Variants in RSRC1 observed in about 807,000 individuals in gnomAD.
RSRC1 encodes arginine and serine rich coiled-coil 1, also known as serine/Arginine-related protein 53.
Under a neutral mutation model 49.1 loss-of-function variants are expected in RSRC1, and 39 were observed. The observed-to-expected ratio is 0.79, with a 90% CI of 0.61 to 1.04. The LOEUF (loss-of-function observed/expected upper bound fraction) is 1.04. Ranked by LOEUF, RSRC1 falls within the 50% of genes least tolerant of loss-of-function variation. The pLI, the probability that RSRC1 is intolerant of heterozygous loss-of-function variation, is 0.00. For missense variants in RSRC1, 388 were observed against 402.4 expected, an observed-to-expected ratio of 0.96 and a Z score of 0.31; for synonymous variants, 143 against 130.8, an observed-to-expected ratio of 1.09 and a Z score of -0.63.
intron 7 of RSRC1, among the ~76,000 whole-genome samples, chr3:158,486,786 TAAAG>T (rs1410607097): frequency 6.6e-6 from 1 of 152,172 alleles, no homozygotes; most frequent in African/African-American, 2.4e-5. Context: ...ATTTTATAAA[TAAAG>T]AAACTGGACA....
intron 7 of RSRC1, among the ~76,000 whole-genome samples, chr3:158,536,470 A>G (rs564485491): frequency 6.6e-6 from 1 of 151,536 alleles, no homozygotes; most frequent in East Asian, 1.9e-4. Flanking sequence ...AACCAACTAT[A>G]AAAAGACTTT....
chr3:158,494,691 G>GT (rs1220028920), intron 7 of RSRC1, among the ~76,000 whole-genome samples: 11 of 151,764 alleles, frequency 7.2e-5, no homozygotes, highest in African/African-American at 1.5e-4. Context: ...TCTATTTGCA[G>GT]TTTTTTTTAA....
chr3:158,384,774 T>C (rs1732879031), intron 6 of RSRC1, among the ~76,000 whole-genome samples: 2 of 152,112 alleles, frequency 1.3e-5, no homozygotes, highest in South Asian at 4.1e-4. Flanking sequence ...CTCTAATTAT[T>C]GTCCCTTCAG....
intron 3 of RSRC1, among the ~76,000 whole-genome samples, chr3:158,177,372 G>T (rs1215244118): frequency 1.3e-5 from 2 of 152,158 alleles, no homozygotes; most frequent in East Asian, 3.9e-4. Context: ...ATTCACAATA[G>T]CAAAGACTTG....
chr3:158,288,673 A>C (rs530242861), intron 4 of RSRC1, among the ~76,000 whole-genome samples: 4 of 152,278 alleles, frequency 2.6e-5, no homozygotes, highest in Non-Finnish European at 5.9e-5. Flanking sequence ...CCCTCATATA[A>C]AATGGCATAG....
At chr3:158,286,684 C>T (rs1726583166) in intron 4 of RSRC1, among the ~76,000 whole-genome samples, 1 of 152,124 alleles carries the variant, frequency 6.6e-6, no homozygotes, top group South Asian at 2.1e-4. Context: ...AAAATTACAC[C>T]TTAGTTTTCA....
rs556074315 is a variant in RSRC1 at position 158,284,424 on chromosome 3, G to A, written c.495-13615G>A. On this transcript the variant is annotated intron_variant, in intron 4 of 9. Coordinates refer to ENST00000611884, the MANE Select transcript of RSRC1 (RefSeq NM_001271838.2). ...TATATACCCAGTAATGGGATGGCTGGGTCAAATGGTATTTCTAGTTCTAGA... is the reference window on the plus strand; with the variant it reads ...TATATACCCAGTAATGGGATGGCTGAGTCAAATGGTATTTCTAGTTCTAGA... Among the ~76,000 whole-genome samples the A allele has an allele frequency of 1.2e-3, 169 of 146,374 alleles. 2 individuals are homozygous for A. The highest frequency in any genetic ancestry group is 4.2e-3 in the African/African-American group (165 of 38,984).
At chr3:158,529,618 A>G (rs1472114670) in intron 7 of RSRC1, among the ~76,000 whole-genome samples, 7 of 151,976 alleles carry the variant, frequency 4.6e-5, no homozygotes, top group African/African-American at 1.7e-4. Flanking sequence ...TTCTGCTACC[A>G]GAACAGCTCA....
intron 6 of RSRC1, among the ~76,000 whole-genome samples, chr3:158,379,814 G>GGACACA (rs1732600711): frequency 1.4e-5 from 2 of 146,928 alleles, no homozygotes; most frequent in Admixed American, 1.4e-4. Context: ...ACACGCGCAT[G>GGACACA]CACACACACA....
intron 4 of RSRC1, among the ~76,000 whole-genome samples, chr3:158,259,851 G>T (rs1724790070): frequency 6.6e-6 from 1 of 152,130 alleles, no homozygotes; most frequent in African/African-American, 2.4e-5. Flanking sequence ...TCTCCCTATG[G>T]CCTCACTGCC....
At position 158,483,966 on chromosome 3, in the gene RSRC1, T is replaced by TC. The variant is rs756009081; in HGVS notation, c.652+22965dup. 1.1e-3 allele frequency among the ~76,000 whole-genome samples: 164 copies of TC among 152,238 alleles called. 1 individual carries two copies. Among genetic ancestry groups the TC allele is most frequent in the Non-Finnish European group, 1.5e-3 (105 of 67,978 alleles). On this transcript the variant is annotated intron_variant, in intron 7 of 9. Transcript: ENST00000611884. ...TTTTCTAGCTTAGTGATCCTGAAACTCCATGTGTCTCACTGAAATCTGTGC... is the reference window on the plus strand; with the variant it reads ...TTTTCTAGCTTAGTGATCCTGAAACTCCCATGTGTCTCACTGAAATCTGTGC...
At position 158,544,295 on chromosome 3, in the gene RSRC1, A is replaced by G. The variant is rs1270214238; in HGVS notation, c.*20A>G. The stretch of plus-strand genomic sequence containing the variant: ...GCCTAAGTAATATACATATAGTTGG[A>G]TTGGATTGTCAGCAGTAACATTGGA... On this transcript the variant is annotated 3_prime_UTR_variant, in exon 10 of 10. Coordinates refer to ENST00000611884, the MANE Select transcript of RSRC1 (RefSeq NM_001271838.2). The G allele has an allele frequency of 6.8e-7, 1 of 1,466,618 alleles. No individual in the cohort carries two copies. The allele number at this position is 1,466,618 out of a possible 1,614,324, so 90.9% of individuals were successfully genotyped here. A position where few individuals can be genotyped will look rare whatever the true frequency, so the allele number is the denominator to read the frequency against.
intron 4 of RSRC1, among the ~76,000 whole-genome samples, chr3:158,272,558 T>A (rs1317762569): frequency 6.6e-6 from 1 of 152,104 alleles, no homozygotes; most frequent in Admixed American, 6.5e-5. Context: ...TTTAATCTTA[T>A]GTTTTTCAAA....
intron 3 of RSRC1, among the ~76,000 whole-genome samples, chr3:158,196,542 A>G (rs1193847916): frequency 6.6e-6 from 1 of 152,254 alleles, no homozygotes. Flanking sequence ...ACTATGTTGA[A>G]TAGGAGTGGT....
intron 4 of RSRC1, among the ~76,000 whole-genome samples, chr3:158,286,108 A>G (rs1161706011): frequency 6.6e-6 from 1 of 152,242 alleles, no homozygotes; most frequent in African/African-American, 2.4e-5. Flanking sequence ...TGCAAGTATA[A>G]ATGACCAGGT....
intron 4 of RSRC1, among the ~76,000 whole-genome samples, chr3:158,215,667 A>G (rs1478568216): frequency 6.6e-6 from 1 of 151,536 alleles, no homozygotes; most frequent in Non-Finnish European, 1.5e-5. Flanking sequence ...AGATTTTTTT[A>G]GTGGTTGCCC....
At chr3:158,231,114 G>C (rs968950722) in intron 4 of RSRC1, among the ~76,000 whole-genome samples, 37 of 129,944 alleles carry the variant, frequency 2.8e-4, no homozygotes, top group Non-Finnish European at 6.6e-5. Context: ...CTGTAGTAGA[G>C]ATGAAGAATA....
intron 6 of RSRC1, among the ~76,000 whole-genome samples, chr3:158,408,526 G>A (rs1479867881): frequency 2.0e-5 from 3 of 151,974 alleles, no homozygotes; most frequent in Admixed American, 6.6e-5. Context: ...AATAGGCATC[G>A]CAGAAAAAAA....
chr3:158,204,509 A>C (rs1214276599), intron 4 of RSRC1, among the ~76,000 whole-genome samples: 2 of 152,182 alleles, frequency 1.3e-5, no homozygotes, highest in Admixed American at 1.3e-4. Context: ...CCTGTCTGTA[A>C]AGGTGGGGAG....
Sources: allele counts gnomAD v4.1 joint callset (sites outside exome capture counted in the v4.1 genomes callset), GRCh38; gene constraint gnomAD v4.1.1; transcripts MANE v1.5; gene names NCBI Gene and HGNC (gene_info 2026-07-23, HGNC 2026-07-21).